BRI3: variants seen among roughly 807,000 people sequenced by gnomAD.
The protein encoded by BRI3 is membrane protein BRI3.
In BRI3, 6 loss-of-function variants were observed where a neutral mutation model predicts 12.8. The observed-to-expected ratio is 0.47, with a 90% CI of 0.26 to 0.93. The LOEUF (loss-of-function observed/expected upper bound fraction) is 0.93. Ranked by LOEUF, BRI3 falls within the 40% of genes least tolerant of loss-of-function variation. BRI3 has a pLI of 0.15. For missense variants in BRI3, 134 were observed against 171.1 expected (o/e 0.78, Z 1.21); for synonymous variants, 91 against 76.1 (o/e 1.20, Z -1.02).
downstream of BRI3, among the ~76,000 whole-genome samples, chr7:98,313,189 C>T (rs563767671): frequency 1.9e-4 from 28 of 150,964 alleles, no homozygotes; most frequent in South Asian, 5.9e-3. Flanking sequence ...CACCGTGGAC[C>T]AGCTGCTTGG....
the BRI3 span, chr7:98,317,088 T>A: frequency 8.5e-7 from 1 of 1,170,874 alleles, no homozygotes; most frequent in South Asian, 1.4e-5. Flanking sequence ...CCTGACCTCA[T>A]ATGATCCTAC....
the BRI3 span, chr7:98,320,398 C>T: frequency 7.5e-5 from 65 of 865,908 alleles, no homozygotes; most frequent in African/African-American, 6.1e-4. Flanking sequence ...TGCAAAGGCA[C>T]GATCTTGGCC....
chr7:98,289,284 C>G (rs1449701994), intron 2 of BRI3, among the ~76,000 whole-genome samples: 1 of 152,218 alleles, frequency 6.6e-6, no homozygotes, highest in Non-Finnish European at 1.5e-5. Flanking sequence ...GTGGAAAGCC[C>G]GACTTCAGAA....
chr7:98,284,129 T>G (rs1003577424), intron 2 of BRI3, among the ~76,000 whole-genome samples: 4 of 152,082 alleles, frequency 2.6e-5, no homozygotes, highest in Non-Finnish European at 5.9e-5. Flanking sequence ...CCTTGGTTAC[T>G]TAATCACTGC....
chr7:98,292,485 T>C (rs1442057451), downstream of BRI3: 2 of 723,790 alleles, frequency 2.8e-6, no homozygotes, highest in Non-Finnish European at 4.6e-6. Context: ...TAACCATGAC[T>C]CTCCACTCCA....
Position 98,282,456 on chromosome 7 carries a change from G to A in BRI3, c.245+3G>A. ...GTAGGAGGCTGTCCTGTCTGCAGGT[G>A]AGTGGGTCTGCAGCCTGGGGACTGG... is the stretch of plus-strand genomic sequence containing the variant. On this transcript the variant is annotated splice_donor_region_variant and intron_variant, in intron 2 of 2. Transcript: ENST00000297290. 6.2e-7 allele frequency: 1 copy of A among 1,611,830 alleles called. No individual in the cohort carries two copies. Among genetic ancestry groups the A allele is most frequent in the South Asian group, 1.1e-5 (1 of 91,030 alleles).
downstream of BRI3, chr7:98,291,741 C>T (rs1799965610): frequency 2.3e-5 from 4 of 177,512 alleles, no homozygotes; most frequent in South Asian, 7.2e-4. Context: ...CATGCCCGTT[C>T]TGGTCTGGGA....
At chr7:98,299,645 C>G (rs1800338464) in intron 1 of BRI3, among the ~76,000 whole-genome samples, 1 of 152,246 alleles carries the variant, frequency 6.6e-6, no homozygotes, top group South Asian at 2.1e-4. Context: ...GTGTGAGCCA[C>G]CGTGCCCAGC....
the BRI3 span, among the ~76,000 whole-genome samples, chr7:98,320,483 C>A: frequency 6.6e-6 from 1 of 152,174 alleles, no homozygotes; most frequent in Admixed American, 6.5e-5. Context: ...TACAGGTGTG[C>A]ATCACCATGC....
At chr7:98,320,396 C>T in the BRI3 span, 1 of 926,920 alleles carries the variant, frequency 1.1e-6, no homozygotes, top group Non-Finnish European at 1.7e-6. Context: ...AGTGCAAAGG[C>T]ACGATCTTGG....
exon 2 of BRI3, chr7:98,310,391 A>G (rs1800822406): frequency 3.3e-6 from 5 of 1,532,520 alleles, no homozygotes; most frequent in Non-Finnish European, 4.4e-6. Context: ...TTCACAGCTT[A>G]TCTTAAAACA....
intron 2 of BRI3, among the ~76,000 whole-genome samples, chr7:98,288,054 C>T (rs1482158404): frequency 1.3e-5 from 2 of 152,170 alleles, no homozygotes; most frequent in African/African-American, 2.4e-5. Flanking sequence ...CTGGGGGGTG[C>T]GGGCCTCTCC....
chr7:98,311,767 A>G (rs1233254239), downstream of BRI3, among the ~76,000 whole-genome samples: 2 of 152,036 alleles, frequency 1.3e-5, no homozygotes, highest in Admixed American at 6.6e-5. Flanking sequence ...TTAGCCAGGC[A>G]TGGTGGTGCG....
intron 2 of BRI3, chr7:98,282,660 G>A (rs1435500944): frequency 7.2e-6 from 4 of 553,186 alleles, no homozygotes; most frequent in East Asian, 6.1e-5. Context: ...AACACATTTT[G>A]TGGGGGCAAA....
chr7:98,293,929 AG>A (rs1194593021), downstream of BRI3: 24 of 938,402 alleles, frequency 2.6e-5, no homozygotes, highest in Admixed American at 5.3e-4. Flanking sequence ...TAAAGCGAGC[AG>A]GGGGCTGCAC....
chr7:98,320,283 T>A, the BRI3 span: 8 of 1,607,638 alleles, frequency 5.0e-6, no homozygotes, highest in Non-Finnish European at 6.8e-6. Context: ...ACTTGAAATC[T>A]CTATGAGGAC....
upstream of BRI3, among the ~76,000 whole-genome samples, chr7:98,305,321 TAAA>T (rs10708312): frequency 0.025 from 3,670 of 148,188 alleles, 149 homozygotes; most frequent in African/African-American, 0.086. Flanking sequence ...AGCTAAGAGT[TAAA>T]AAAAAAAAAA....
At chr7:98,293,671 C>T (rs761638545), downstream of BRI3, 155 of 1,432,482 alleles carry the variant, frequency 1.1e-4, 1 homozygote, top group South Asian at 1.6e-4. Context: ...GCTAATAACC[C>T]GTTCTTGCCC....
chr7:98,312,064 G>A (rs200439220), downstream of BRI3: 3 of 1,557,778 alleles, frequency 1.9e-6, no homozygotes, highest in African/African-American at 1.4e-5. Context: ...GGAAACACAC[G>A]ATTGAAATCT....
Sources: gnomAD v4.1 joint callset for allele counts (sites outside exome capture counted in the v4.1 genomes callset) on GRCh38, gnomAD v4.1.1 for gene constraint, MANE v1.5 for transcripts, NCBI Gene and HGNC (gene_info 2026-07-23, HGNC 2026-07-21) for gene names.